PTPRT: variants seen among roughly 807,000 people sequenced by gnomAD.
PTPRT encodes receptor-type tyrosine-protein phosphatase T.
Under a neutral mutation model 176.8 loss-of-function variants are expected in PTPRT, and 56 were observed. The ratio of observed to expected loss-of-function variants is 0.32; its 90% CI spans 0.26 to 0.40. The LOEUF is 0.40. PTPRT is among the 10% of genes least tolerant of loss of function. The pLI is 1.00. For missense variants in PTPRT, 1,540 were observed against 1,908.2 expected (o/e 0.81, Z 3.60); for synonymous variants, 783 against 739.0 (o/e 1.06, Z -0.96).
chr20:42,680,100 CATTT>C (rs1226718953), intron 6 of PTPRT, among the ~76,000 whole-genome samples: 4 of 152,172 alleles, frequency 2.6e-5, no homozygotes, highest in African/African-American at 9.7e-5. Flanking sequence ...GGCAGGTATA[CATTT>C]TAGCTTGGAA....
intron 1 of PTPRT, among the ~76,000 whole-genome samples, chr20:43,153,740 G>A (rs2146426205): frequency 6.6e-6 from 1 of 152,340 alleles, no homozygotes; most frequent in Admixed American, 6.5e-5. Flanking sequence ...GTTTATGGGA[G>A]GAGTTCTGTA....
intron 6 of PTPRT, among the ~76,000 whole-genome samples, chr20:42,732,433 T>C (rs1055313031): frequency 2.6e-5 from 4 of 152,316 alleles, no homozygotes; most frequent in Non-Finnish European, 5.9e-5. Flanking sequence ...AATTAACAAG[T>C]GAACAATGCA....
At chr20:42,955,834 A>G (rs1021268459) in intron 1 of PTPRT, among the ~76,000 whole-genome samples, 314 of 121,602 alleles carry the variant, frequency 2.6e-3, no homozygotes, top group African/African-American at 9.4e-3. Context: ...GGAGTGAGGG[A>G]GAAGGAGGGA....
chr20:42,455,093 A>G (rs2070896977), intron 8 of PTPRT, among the ~76,000 whole-genome samples: 1 of 152,232 alleles, frequency 6.6e-6, no homozygotes, highest in South Asian at 2.1e-4. Context: ...GATGATAATG[A>G]TAATTCCAAA....
intron 6 of PTPRT, among the ~76,000 whole-genome samples, chr20:42,746,977 G>C (rs1419719104): frequency 2.0e-5 from 3 of 152,136 alleles, no homozygotes; most frequent in African/African-American, 7.2e-5. Flanking sequence ...CCACTCTAAG[G>C]GGCACATGGT....
At chr20:42,196,256 C>A (rs1018353494) in intron 16 of PTPRT, among the ~76,000 whole-genome samples, 1 of 152,160 alleles carries the variant, frequency 6.6e-6, no homozygotes, top group Admixed American at 6.5e-5. Context: ...AACTTCTCTG[C>A]CCCAGAGCCG....
intron 1 of PTPRT, among the ~76,000 whole-genome samples, chr20:43,153,675 G>A (rs2014432301): frequency 6.6e-6 from 1 of 152,054 alleles, no homozygotes; most frequent in Non-Finnish European, 1.5e-5. Flanking sequence ...ATGGCCTCAA[G>A]AAAGTCTCAA....
chr20:42,598,491 A>G (rs1328403391), intron 7 of PTPRT, among the ~76,000 whole-genome samples: 1 of 152,204 alleles, frequency 6.6e-6, no homozygotes, highest in Admixed American at 6.5e-5. Flanking sequence ...TTTGTAAAAT[A>G]TAGATGAGAA....
intron 6 of PTPRT, 80 bp from the exon 7 acceptor site, chr20:42,678,239 C>A (rs1402972647): frequency 7.3e-7 from 1 of 1,369,336 alleles, no homozygotes; most frequent in East Asian, 2.4e-5. Context: ...CGACAAGGGA[C>A]AGAATTCTTG....
At chr20:42,097,507 T>C (rs1376163188) in intron 27 of PTPRT, among the ~76,000 whole-genome samples, 1 of 152,138 alleles carries the variant, frequency 6.6e-6, no homozygotes, top group Non-Finnish European at 1.5e-5. Flanking sequence ...GCAGAATTCA[T>C]TGCTCCCTGC....
rs142538088 is a variant in PTPRT, at chr20:42,915,002, C to T, written c.89-29070G>A. On this transcript the variant is annotated intron_variant, in intron 1 of 30. Transcript: ENST00000373187. ...TAAACCCTTATCCCTCTCCAAATGG[C>T]CTACTTCATAAATATGCTATCCAAT... is the stretch of plus-strand genomic sequence containing the variant. Among the ~76,000 whole-genome samples, 631 of 152,164 alleles carry T rather than the reference C, an allele frequency of 4.1e-3. 4 individuals are homozygous for T. Among genetic ancestry groups the T allele is most frequent in the African/African-American group, 0.015 (613 of 41,514 alleles).
At chr20:43,031,410 G>C (rs1681361334) in intron 1 of PTPRT, among the ~76,000 whole-genome samples, 1 of 152,162 alleles carries the variant, frequency 6.6e-6, no homozygotes, top group Admixed American at 6.5e-5. Context: ...CAGAGAGCAA[G>C]CCCTCACCAG....
intron 13 of PTPRT, among the ~76,000 whole-genome samples, chr20:42,269,282 G>A (rs1023258514): frequency 6.6e-6 from 1 of 152,196 alleles, no homozygotes; most frequent in East Asian, 1.9e-4. Flanking sequence ...CTGAGTTTGG[G>A]AAACAGGGTG....
chr20:42,252,148 T>C (rs919568183), intron 13 of PTPRT, among the ~76,000 whole-genome samples: 3 of 152,208 alleles, frequency 2.0e-5, no homozygotes, highest in Non-Finnish European at 4.4e-5. Context: ...CTGTCAAGGA[T>C]GACCACAAAT....
chr20:42,307,909 A>G (rs553100507), intron 12 of PTPRT, among the ~76,000 whole-genome samples: 10 of 152,194 alleles, frequency 6.6e-5, no homozygotes, highest in Non-Finnish European at 1.3e-4. Context: ...AAATCCCACC[A>G]AAAGCAAGAT....
intron 7 of PTPRT, among the ~76,000 whole-genome samples, chr20:42,542,415 C>T (rs889309937): frequency 2.0e-5 from 3 of 151,950 alleles, no homozygotes; most frequent in African/African-American, 7.3e-5. Flanking sequence ...ATACAAATGA[C>T]TCATAAACAT....
At chr20:42,271,056 C>T (rs2056926167) in intron 13 of PTPRT, among the ~76,000 whole-genome samples, 1 of 152,192 alleles carries the variant, frequency 6.6e-6, no homozygotes, top group East Asian at 1.9e-4. Context: ...CCCCTTCAGT[C>T]TTACTCTCCA....
intron 27 of PTPRT, 38 bp downstream of exon 27, chr20:42,098,383 C>T (rs1159249822): frequency 1.2e-6 from 2 of 1,611,096 alleles, no homozygotes; most frequent in African/African-American, 2.7e-5. Flanking sequence ...AGCATGGCCC[C>T]CCTGACCCAC....
At chr20:42,570,928 A>G (rs1033641) in intron 7 of PTPRT, among the ~76,000 whole-genome samples, 97,465 of 149,790 alleles carry the variant, frequency 0.65, 33,419 homozygotes, top group African/African-American at 0.86. Flanking sequence ...TGGGGATTAG[A>G]ACACGGACAT....
Sources: gnomAD v4.1 joint callset for allele counts (sites outside exome capture counted in the v4.1 genomes callset) on GRCh38, gnomAD v4.1.1 for gene constraint, MANE v1.5 for transcripts, NCBI Gene and HGNC (gene_info 2026-07-23, HGNC 2026-07-21) for gene names.